MAPK7: variants seen among roughly 807,000 people sequenced by gnomAD.
MAPK7 encodes BMK-1.
MAPK7 carries 30 observed loss-of-function variants against 56.9 expected under a neutral mutation model. The ratio of observed to expected loss-of-function variants is 0.53; its 90% CI spans 0.39 to 0.72. The LOEUF (loss-of-function observed/expected upper bound fraction) is 0.72. Ranked by LOEUF, MAPK7 falls within the 30% of genes least tolerant of loss-of-function variation. The probability of loss-of-function intolerance (pLI) is 0.00; values close to 1 mark genes in which losing one functional copy is unlikely to be tolerated. For synonymous variants in MAPK7, 516 were observed against 449.3 expected, an observed-to-expected ratio of 1.15 and a Z score of -1.88; for missense variants, 952 against 1,110.8, an observed-to-expected ratio of 0.86 and a Z score of 2.03.
rs971260506 is a variant in MAPK7 at position 19,382,048 on chromosome 17, C to G, written c.1745C>G (p.Ala582Gly). ...CGAATGGCCCGGCCCGCAGCCCCAG[C>G]CCTCACCTCTGTGCCGGCCCCTGCC... ...WTRMARPAAPALTSVPAPAPA... is the reference protein window; with the variant it reads ...WTRMARPAAPGLTSVPAPAPA... The change falls in exon 5 of 7, where the codon GCC becomes GGC. Residue 582 changes from alanine (A) to glycine (G), a missense_variant. By Grantham distance (60) the Ala-to-Gly change is moderately conservative. Transcript: ENST00000395604. 4 of 1,578,124 alleles carry G rather than the reference C, an allele frequency of 2.5e-6. No individual in the cohort carries two copies. Among genetic ancestry groups the G allele is most frequent in the Non-Finnish European group, 3.4e-6 (4 of 1,162,684 alleles).
Position 19,381,763 on chromosome 17 carries a change from T to G in MAPK7, c.1478-18T>G. 3.3e-6 allele frequency: 5 copies of G among 1,537,592 alleles called. No individual in the cohort carries two copies. Among genetic ancestry groups the G allele is most frequent in the Non-Finnish European group, 4.4e-6 (5 of 1,145,374 alleles). ...GGCTTCAGGCTTTTACCTTCTCCCC[T>G]GCCCAACTTCCCCGCAGATGGCCCC... On this transcript the variant is annotated intron_variant, in intron 4 of 6. Transcript: ENST00000395604. The surrounding 1 kb of genome is among the most constrained non-coding windows in gnomAD (Gnocchi z 4.6).
Position 19,379,021 on chromosome 17 carries a change from A to G in MAPK7, c.121A>G (p.Lys41Glu), listed in dbSNP as rs1434459010. The change falls in exon 2 of 7, where the codon AAA becomes GAA. Residue 41 changes from lysine to glutamate, a missense_variant. Physicochemically the swap from Lys to Glu is moderately conservative, Grantham distance 56. This residue lies in a region of MAPK7 where 213 missense variants were observed against 243.2 expected (regional missense o/e 0.88). Transcript: ENST00000395604. ...AGCGGCCAAGAACCTGGCCCTGCTT[A>G]AAGCCCGCTCCTTCGATGTGACCTT... ...SVAAKNLALL[K>E]ARSFDVTFDV... 1.9e-6 allele frequency: 3 copies of G among 1,613,950 alleles called. No individual in the cohort carries two copies. The highest frequency in any genetic ancestry group is 2.5e-6 in the Non-Finnish European group (3 of 1,179,964).
Position 19,380,942 on chromosome 17 carries a change from C to T in MAPK7, c.733C>T (p.Leu245Phe), listed in dbSNP as rs371189451. 1.2e-5 allele frequency: 20 copies of T among 1,614,234 alleles called. No homozygotes were observed. Among genetic ancestry groups the T allele is most frequent in the South Asian group, 1.1e-4 (10 of 91,086 alleles). ...GCATGAGTATACACAGGCTATTGACCTCTGGTCTGTGGGCTGCATCTTTGG... is the reference window on the plus strand; with the variant it reads ...GCATGAGTATACACAGGCTATTGACTTCTGGTCTGTGGGCTGCATCTTTGG... ...SLHEYTQAIDLWSVGCIFGEM... is the reference protein window; with the variant it reads ...SLHEYTQAIDFWSVGCIFGEM... Residue 245 changes from leucine to phenylalanine, a missense_variant, in exon 4 of 7, where the codon CTC becomes TTC. Around this residue, in one of 5 missense-constraint regions of MAPK7, gnomAD observed 429 missense variants for 533.0 expected, o/e 0.80. Transcript: ENST00000395604.
chr17:19,382,318 C>G lies in MAPK7; in HGVS notation c.2015C>G (p.Pro672Arg), dbSNP rs1271624191. The G allele has an allele frequency of 1.2e-6, 2 of 1,613,316 alleles. No homozygotes were observed. The highest frequency in any genetic ancestry group is 2.2e-5 in the South Asian group (2 of 91,078). Residue 672 changes from proline to arginine, a missense_variant, in exon 5 of 7, where the codon CCC becomes CGC. Coordinates refer to ENST00000395604, the MANE Select transcript of MAPK7 (RefSeq NM_002749.4). Reference protein sequence around the residue: ...SLLAAQSLVPPPGLPGSSTPG... With the variant: ...SLLAAQSLVPRPGLPGSSTPG... ...CTGGCTGCCCAGTCACTTGTGCCACCCCCTGGGCTGCCTGGCTCCAGCACC... is the reference window on the plus strand; with the variant it reads ...CTGGCTGCCCAGTCACTTGTGCCACGCCCTGGGCTGCCTGGCTCCAGCACC...
chr17:19,382,708 T>C, intron 5 of MAPK7, 105 bp from the exon 6 acceptor site: 1 of 1,491,916 alleles, frequency 6.7e-7, no homozygotes, highest in Non-Finnish European at 9.1e-7. Flanking sequence ...CTGCCGAGAC[T>C]GGTGTTAGCA....
Position 19,381,509 on chromosome 17 carries a change from C to T in MAPK7, c.1300C>T (p.Pro434Ser), listed in dbSNP as rs377501164. Residue 434 changes from proline to serine, a missense_variant, in exon 4 of 7, where the codon CCA becomes TCA. Physicochemically the swap from Pro to Ser is moderately conservative, Grantham distance 74. Transcript: ENST00000395604. This position sits in a 1 kb window ranked among gnomAD's most constrained non-coding sequence, Gnocchi z 4.6. ...CAGTGGGGACTGTGCCATGGAGTCT[C>T]CACCACCAGCCCCGCCACCATGCCC... The part of the protein sequence containing the change: ...APSGDCAMES[P>S]PPAPPPCPGP... 5 of 1,613,762 alleles carry T rather than the reference C, an allele frequency of 3.1e-6. No homozygotes were observed. Among genetic ancestry groups the T allele is most frequent in the Non-Finnish European group, 4.2e-6 (5 of 1,179,958 alleles).
intron 5 of MAPK7, 148 bp from the exon 6 acceptor site, chr17:19,382,665 A>T (rs539280416): frequency 7.1e-7 from 1 of 1,398,938 alleles, no homozygotes; most frequent in African/African-American, 1.4e-5. Flanking sequence ...CAAAGTGCCT[A>T]GCCCAGAGAT....
Position 19,382,926 on chromosome 17 carries a change from G to A in MAPK7, c.2277G>A (p.Val759=), listed in dbSNP as rs774359461. 1 of 1,614,244 alleles carries A rather than the reference G, an allele frequency of 6.2e-7. No individual in the cohort carries two copies. Among genetic ancestry groups the A allele is most frequent in the South Asian group, 1.1e-5 (1 of 91,090 alleles). The change falls in exon 6 of 7, where the codon GTG becomes GTA. Residue 759 remains valine (V), a synonymous_variant. Transcript: ENST00000395604. ...EFLNQSFDMG[V]ADGPQDGQAD... ...TAAACCAGTCTTTCGACATGGGCGT[G>A]GCTGATGGGCCACAGGATGGGTAAG...
chr17:19,378,032 C>T (rs1478204974), upstream of MAPK7: 8 of 985,212 alleles, frequency 8.1e-6, no homozygotes, highest in Non-Finnish European at 9.6e-6. The surrounding 1 kb of genome is among the most constrained non-coding windows in gnomAD (Gnocchi z 5.4). Context: ...ATTCCCAGAG[C>T]TCCTGGGACC....
chr17:19,380,072 C>G (rs764240905), intron 3 of MAPK7, 125 bp downstream of exon 3: 1 of 1,046,156 alleles, frequency 9.6e-7, no homozygotes, highest in Non-Finnish European at 1.4e-6. Flanking sequence ...TCCCGCAGTT[C>G]TAGGACCAGT....
At chr17:19,380,496 C>T (rs1326742889) in intron 3 of MAPK7, 112 bp from the exon 4 acceptor site, 13 of 1,479,376 alleles carry the variant, frequency 8.8e-6, no homozygotes, top group Non-Finnish European at 1.2e-5. Flanking sequence ...CCTATGGGGT[C>T]CCAGGGTAAG....
In MAPK7 at chr17:19,381,056, C is replaced by T. The variant is rs1912607894; in HGVS notation, c.847C>T (p.Pro283Ser). ...CATGATGGTGCTGGGTACCCCATCA[C>T]CAGCCGTGATTCAGGCTGTGGGGGC... Reference protein sequence around the residue: ...LIMMVLGTPSPAVIQAVGAER... With the variant: ...LIMMVLGTPSSAVIQAVGAER... Residue 283 changes from proline (P) to serine (S), a missense_variant, in exon 4 of 7, where the codon CCA becomes TCA. This residue lies in a region of MAPK7 where 429 missense variants were observed against 533.0 expected (regional missense o/e 0.80). Transcript: ENST00000395604. The surrounding 1 kb of genome is among the most constrained non-coding windows in gnomAD (Gnocchi z 4.6). 1 of 1,614,140 alleles carries T rather than the reference C, an allele frequency of 6.2e-7. No individual in the cohort carries two copies. The highest frequency in any genetic ancestry group is 2.2e-5 in the East Asian group (1 of 44,880).
rs1912314576 is a variant in MAPK7 at position 19,378,628 on chromosome 17, G to C, written c.-8G>C. The C allele has an allele frequency of 1.5e-6, 2 of 1,341,586 alleles. No homozygotes were observed. Among genetic ancestry groups the C allele is most frequent in the South Asian group, 1.8e-5 (1 of 55,760 alleles). The allele number at this position is 1,341,586 out of a possible 1,614,324, so 83.1% of individuals were successfully genotyped here. On this transcript the variant is annotated splice_region_variant and 5_prime_UTR_variant, in exon 1 of 7. Transcript: ENST00000395604. This position sits in a 1 kb window ranked among gnomAD's most constrained non-coding sequence, Gnocchi z 5.4. ...CCTCTGAAAGCCTTGAGGAGGCGCGGGGGTGAGTGCGGCCCTGAGGAAACC... is the reference window on the plus strand; with the variant it reads ...CCTCTGAAAGCCTTGAGGAGGCGCGCGGGTGAGTGCGGCCCTGAGGAAACC...
chr17:19,381,924 A>T lies in MAPK7; in HGVS notation c.1621A>T (p.Lys541Ter). Residue 541 changes from lysine (K) to a stop codon, truncating the protein, a stop_gained, in exon 5 of 7, where the codon AAG becomes TAG. Coordinates refer to ENST00000395604, the MANE Select transcript of MAPK7 (RefSeq NM_002749.4). LOFTEE classifies it high-confidence loss of function. The surrounding 1 kb of genome is among the most constrained non-coding windows in gnomAD (Gnocchi z 4.6). ...REKRRQERER[K>*]ERGAGASGGP... ...GAAACGGCGGCAGGAGCGGGAGCGA[A>T]AGGAACGGGGGGCTGGGGCCTCTGG... 6.4e-7 allele frequency: 1 copy of T among 1,553,018 alleles called. No homozygotes were observed. The highest frequency in any genetic ancestry group is 8.7e-7 in the Non-Finnish European group (1 of 1,147,814).
Position 19,380,892 on chromosome 17 carries a change from G to A in MAPK7, c.683G>A (p.Arg228His), listed in dbSNP as rs753001348. Reference sequence around the variant, plus strand: ...GAGTATGTGGCCACGCGCTGGTACCGTGCGCCCGAGCTCATGCTCTCTTTG... The same window carrying A: ...GAGTATGTGGCCACGCGCTGGTACCATGCGCCCGAGCTCATGCTCTCTTTG... Reference protein sequence around the residue: ...MTEYVATRWYRAPELMLSLHE... With the variant: ...MTEYVATRWYHAPELMLSLHE... The change falls in exon 4 of 7, where the codon CGT becomes CAT. Residue 228 changes from arginine (R) to histidine (H), a missense_variant. Transcript: ENST00000395604. The A allele has an allele frequency of 1.9e-6, 3 of 1,614,152 alleles. No homozygotes were observed. Among genetic ancestry groups the A allele is most frequent in the Admixed American group, 3.3e-5 (2 of 60,014 alleles).
chr17:19,377,851 G>T, upstream of MAPK7: 1 of 985,438 alleles, frequency 1.0e-6, no homozygotes, highest in South Asian at 4.7e-5. Flanking sequence ...CGAGCGGAGG[G>T]AAGATACCTA....
rs1598117811 is a variant in MAPK7, at chr17:19,382,278, A to G, written c.1975A>G (p.Thr659Ala). The part of the protein sequence containing the change: ...IPVPAPPQIA[T>A]STSLLAAQSL... ...TGTCCCCGCGCCACCCCAGATTGCC[A>G]CCTCCACCAGCCTCCTGGCTGCCCA... The change falls in exon 5 of 7, where the codon ACC (threonine) becomes GCC (alanine). Residue 659 changes from threonine (T) to alanine (A), a missense_variant. This residue lies in a region of MAPK7 where 234 missense variants were observed against 210.4 expected (regional missense o/e 1.11). Transcript: ENST00000395604. The G allele has an allele frequency of 1.9e-6, 3 of 1,566,022 alleles. No homozygotes were observed. The highest frequency in any genetic ancestry group is 1.7e-6 in the Non-Finnish European group (2 of 1,163,166).
Position 19,378,795 on chromosome 17 carries a change from T to C in MAPK7, c.-5-101T>C. 7.6e-7 allele frequency: 1 copy of C among 1,314,612 alleles called. No individual in the cohort carries two copies. Among genetic ancestry groups the C allele is most frequent in the Non-Finnish European group, 1.0e-6 (1 of 976,496 alleles). The allele number at this position is 1,314,612 out of a possible 1,614,324, so 81.4% of individuals were successfully genotyped here. A position where few individuals can be genotyped will look rare whatever the true frequency, so the allele number is the denominator to read the frequency against. On this transcript the variant is annotated intron_variant, in intron 1 of 6. Coordinates refer to ENST00000395604, the MANE Select transcript of MAPK7 (RefSeq NM_002749.4). This position sits in a 1 kb window ranked among gnomAD's most constrained non-coding sequence, Gnocchi z 5.4. ...AGCCGCGCGCTTCTGCCCTTGTCGG[T>C]TTAGGAAACTGGGAAGTTCCCTGGT...
In MAPK7 at chr17:19,379,125, C is replaced by G. The variant is rs769655675; in HGVS notation, c.225C>G (p.Arg75=). The G allele has an allele frequency of 6.2e-7, 1 of 1,612,536 alleles. No individual in the cohort carries two copies. The highest frequency in any genetic ancestry group is 8.5e-7 in the Non-Finnish European group (1 of 1,179,670). ...GAGTGGTGTCCTCCGCCCGCCGCCG[C>G]CTCACCGGTGAGCTTCCTGAGCCGT... The part of the protein sequence containing the change: ...AYGVVSSARR[R]LTGQQVAIKK... The change falls in exon 2 of 7, where the codon CGC becomes CGG. Residue 75 remains arginine (R), a synonymous_variant. Transcript: ENST00000395604.
Sources: allele counts gnomAD v4.1 joint callset, GRCh38; gene constraint gnomAD v4.1.1; regional missense constraint gnomAD v4.1.1; non-coding constraint Gnocchi (gnomAD v3.1); transcripts MANE v1.5; gene names NCBI Gene and HGNC (gene_info 2026-07-23, HGNC 2026-07-21).